BMPER: variants seen among roughly 807,000 people sequenced by gnomAD.
BMPER encodes the protein BMP-binding endothelial regulator protein.
In BMPER, 45 loss-of-function variants were observed where a neutral mutation model predicts 87.3. The ratio of observed to expected loss-of-function variants is 0.52; its 90% confidence interval spans 0.41 to 0.66. The LOEUF is 0.66. Ranked by LOEUF, BMPER falls within the 30% of genes least tolerant of loss-of-function variation. The pLI is 0.00. For synonymous variants in BMPER, 326 were observed against 316.2 expected (o/e 1.03, Z -0.33); for missense variants, 784 against 867.5 (o/e 0.90, Z 1.21).
At chr7:34,126,444 A>C (rs1790404688) in intron 13 of BMPER, among the ~76,000 whole-genome samples, 1 of 152,236 alleles carries the variant, frequency 6.6e-6, no homozygotes, top group Non-Finnish European at 1.5e-5. Context: ...TCTGTTTAAT[A>C]CATTTGAAAG....
chr7:34,005,851 T>C (rs1259473119), intron 6 of BMPER, among the ~76,000 whole-genome samples: 1 of 152,116 alleles, frequency 6.6e-6, no homozygotes, highest in Non-Finnish European at 1.5e-5. Context: ...TTATCAATTA[T>C]TTAAGTGCTA....
At chr7:33,945,762 T>G (rs1292538202) in intron 3 of BMPER, among the ~76,000 whole-genome samples, 1 of 152,182 alleles carries the variant, frequency 6.6e-6, no homozygotes, top group East Asian at 1.9e-4. Flanking sequence ...TTATTTGGTT[T>G]ATGCTCACCA....
intron 12 of BMPER, among the ~76,000 whole-genome samples, chr7:34,084,683 C>T (rs1789151211): frequency 6.6e-6 from 1 of 152,206 alleles, no homozygotes; most frequent in African/African-American, 2.4e-5. Flanking sequence ...TATCTTCACA[C>T]ACAGTGTCAG....
rs1057405595 is a variant in BMPER, at chr7:33,928,538, A to T, written c.220-8751A>T. ...CAAAATATGATTAAACAGAATGAGGAGCTGTTTGACACTGCCCTGTTTTAA... is the reference window on the plus strand; with the variant it reads ...CAAAATATGATTAAACAGAATGAGGTGCTGTTTGACACTGCCCTGTTTTAA... On this transcript the variant is annotated intron_variant, in intron 2 of 14. Transcript: ENST00000649409. Among the ~76,000 whole-genome samples, 7 of 148,768 alleles carry T rather than the reference A, an allele frequency of 4.7e-5. 1 individual carries two copies. Among genetic ancestry groups the T allele is most frequent in the Admixed American group, 3.4e-4 (5 of 14,550 alleles).
At chr7:34,025,493 A>G (rs1363095756) in intron 6 of BMPER, among the ~76,000 whole-genome samples, 1 of 152,058 alleles carries the variant, frequency 6.6e-6, no homozygotes, top group Non-Finnish European at 1.5e-5. Flanking sequence ...GTATTCACAC[A>G]TCCAGCAAGG....
chr7:34,100,616 G>T (rs1490656354), intron 13 of BMPER, among the ~76,000 whole-genome samples: 1 of 152,172 alleles, frequency 6.6e-6, no homozygotes, highest in African/African-American at 2.4e-5. Context: ...CATGTGAGGG[G>T]TCAAATCATT....
At chr7:34,073,329 T>A (rs963101192) in intron 11 of BMPER, among the ~76,000 whole-genome samples, 2 of 152,240 alleles carry the variant, frequency 1.3e-5, no homozygotes, top group African/African-American at 4.8e-5. Context: ...TACACAAACC[T>A]AGGCTAAATG....
Position 33,997,412 on chromosome 7 carries a change from G to A in BMPER, c.576+22628G>A, listed in dbSNP as rs867855052. 3.9e-5 allele frequency among the ~76,000 whole-genome samples: 6 copies of A among 152,260 alleles called. No individual in the cohort carries two copies. In the South Asian group the frequency reaches 1.2e-3, roughly 32 times the overall value. ...GGGAGGTGATTGAATGAAGGATGCA[G>A]TTTCCCCCATGATATTCTCGTGATA... is the stretch of plus-strand genomic sequence containing the variant. On this transcript the variant is annotated intron_variant, in intron 6 of 14. Coordinates refer to ENST00000649409, the MANE Select transcript of BMPER (RefSeq NM_001365308.1).
At chr7:33,909,695 A>G (rs1455809849) in intron 2 of BMPER, among the ~76,000 whole-genome samples, 1 of 151,012 alleles carries the variant, frequency 6.6e-6, no homozygotes, top group Non-Finnish European at 1.5e-5. Flanking sequence ...AAAAAAAAAA[A>G]AGAAAGAAAA....
chr7:33,913,335 G>T (rs1435099683), intron 2 of BMPER, among the ~76,000 whole-genome samples: 1 of 152,168 alleles, frequency 6.6e-6, no homozygotes, highest in Non-Finnish European at 1.5e-5. Flanking sequence ...AAGGATATCA[G>T]TTCCATTCAT....
chr7:34,074,266 T>C (rs550804712), intron 11 of BMPER, among the ~76,000 whole-genome samples: 1 of 152,300 alleles, frequency 6.6e-6, no homozygotes, highest in South Asian at 2.1e-4. Flanking sequence ...ACATGTTAGA[T>C]TGTTTCCCAT....
intron 2 of BMPER, among the ~76,000 whole-genome samples, chr7:33,917,618 C>T (rs537796023): frequency 1.3e-5 from 2 of 152,000 alleles, no homozygotes; most frequent in South Asian, 2.1e-4. Context: ...TGACTCTGAG[C>T]GAGGATATGC....
chr7:34,028,601 G>GGTTTTTTTTTTTTT (rs1787426612), intron 6 of BMPER, among the ~76,000 whole-genome samples: 1 of 36,054 alleles, frequency 2.8e-5, no homozygotes, highest in African/African-American at 8.8e-5. Context: ...CATTTTTTCT[G>GGTTTTTTTTTTTTT]TTTTTTTTTT....
intron 2 of BMPER, among the ~76,000 whole-genome samples, chr7:33,929,024 G>C (rs894199509): frequency 1.9e-4 from 29 of 152,048 alleles, no homozygotes; most frequent in Non-Finnish European, 3.1e-4. Context: ...TTTCTTCATG[G>C]GATATGACTT....
chr7:34,096,840 A>G (rs370252652), intron 13 of BMPER, among the ~76,000 whole-genome samples: 1 of 152,352 alleles, frequency 6.6e-6, no homozygotes, highest in African/African-American at 2.4e-5. Context: ...TCAATCAATA[A>G]ATTAAAATAG....
chr7:33,980,506 A>C (rs1350492826), intron 6 of BMPER, among the ~76,000 whole-genome samples: 1 of 152,230 alleles, frequency 6.6e-6, no homozygotes, highest in African/African-American at 2.4e-5. Context: ...AGGAAACAGG[A>C]TGGTGGTAGT....
In BMPER at chr7:33,974,693, G is replaced by A. The variant is rs375689703; in HGVS notation, c.494-9G>A. 16 of 1,613,696 alleles carry A rather than the reference G, an allele frequency of 9.9e-6. No individual in the cohort carries two copies. The highest frequency in any genetic ancestry group is 1.3e-5 in the Non-Finnish European group (15 of 1,179,752). The stretch of plus-strand genomic sequence containing the variant: ...TTGCCCTAATTCTAAACTCTTGTCT[G>A]CTTTCCAGGCTGTGTGTTTGAGGGT... On this transcript the variant is annotated splice_polypyrimidine_tract_variant and intron_variant, in intron 5 of 14. Transcript: ENST00000649409.
intron 7 of BMPER, among the ~76,000 whole-genome samples, chr7:34,049,973 T>A (rs952981776): frequency 6.6e-6 from 1 of 152,218 alleles, no homozygotes; most frequent in Non-Finnish European, 1.5e-5. Flanking sequence ...GTGATTATAA[T>A]GGGATGGGCA....
intron 7 of BMPER, among the ~76,000 whole-genome samples, chr7:34,048,112 C>G (rs1029693515): frequency 2.0e-5 from 3 of 152,040 alleles, no homozygotes; most frequent in African/African-American, 7.2e-5. Context: ...CTTGAATCCT[C>G]TCTCCTTTCT....
Sources: allele counts gnomAD v4.1 joint callset (sites outside exome capture counted in the v4.1 genomes callset), GRCh38; gene constraint gnomAD v4.1.1; transcripts MANE v1.5; gene names NCBI Gene and HGNC (gene_info 2026-07-23, HGNC 2026-07-21).